WWOX: variants seen among roughly 807,000 people sequenced by gnomAD.
WWOX encodes WW domain-containing oxidoreductase.
WWOX carries 69 observed loss-of-function variants against 46.2 expected under a neutral mutation model. That is an observed-to-expected ratio of 1.49 (90% confidence interval 1.23 to 1.82). WWOX has a LOEUF of 1.82. WWOX is among the 40% of genes most tolerant of loss of function. WWOX has a pLI of 0.00. For missense variants in WWOX, 919 were observed against 542.6 expected, an observed-to-expected ratio of 1.69 and a Z score of -6.89; for synonymous variants, 359 against 202.6, an observed-to-expected ratio of 1.77 and a Z score of -6.56.
intron 8 of WWOX, among the ~76,000 whole-genome samples, chr16:78,571,291 C>G (rs1567652567): frequency 6.6e-6 from 1 of 152,000 alleles, no homozygotes; most frequent in Non-Finnish European, 1.5e-5. Context: ...AAATGACTTG[C>G]CCAAGGTCAT....
At chr16:78,837,345 C>T (rs1458690159) in intron 8 of WWOX, among the ~76,000 whole-genome samples, 1 of 152,194 alleles carries the variant, frequency 6.6e-6, no homozygotes, top group African/African-American at 2.4e-5. Flanking sequence ...TATTCCCTAA[C>T]CCTCACCCAG....
intron 5 of WWOX, among the ~76,000 whole-genome samples, chr16:78,217,001 G>A (rs1056071132): frequency 6.6e-6 from 1 of 152,166 alleles, no homozygotes; most frequent in Non-Finnish European, 1.5e-5. Flanking sequence ...GGGATTACAG[G>A]TGTGAGCCAC....
chr16:78,783,812 T>G (rs779781481), intron 8 of WWOX, among the ~76,000 whole-genome samples: 1 of 151,704 alleles, frequency 6.6e-6, no homozygotes, highest in African/African-American at 2.4e-5. Context: ...ATGGTGATGA[T>G]GATGGTGATA....
At chr16:78,509,380 A>G (rs1240558500) in intron 8 of WWOX, among the ~76,000 whole-genome samples, 2 of 152,030 alleles carry the variant, frequency 1.3e-5, no homozygotes, top group Non-Finnish European at 2.9e-5. Flanking sequence ...CGGAGGCTGC[A>G]GTGAGCTGAG....
intron 8 of WWOX, among the ~76,000 whole-genome samples, chr16:78,789,434 C>T (rs1021077640): frequency 6.6e-6 from 1 of 152,108 alleles, no homozygotes; most frequent in Non-Finnish European, 1.5e-5. Context: ...GGTCTTTGCA[C>T]CCTTATCAGA....
At chr16:78,972,157 C>G (rs531099715) in intron 8 of WWOX, among the ~76,000 whole-genome samples, 140 of 152,278 alleles carry the variant, frequency 9.2e-4, no homozygotes, top group African/African-American at 2.8e-3. Flanking sequence ...GGTGGCAGAG[C>G]AACTTCATTT....
At chr16:78,940,342 A>G (rs1483307062) in intron 8 of WWOX, among the ~76,000 whole-genome samples, 1 of 152,232 alleles carries the variant, frequency 6.6e-6, no homozygotes, top group Non-Finnish European at 1.5e-5. Flanking sequence ...AAGAAGAAAA[A>G]TAAATATGCA....
chr16:79,205,333 A>G (rs1466603920), intron 8 of WWOX: 1 of 152,064 alleles, frequency 6.6e-6, no homozygotes, highest in Non-Finnish European at 1.5e-5. Flanking sequence ...GACACTCTTC[A>G]CCTGTCATGG....
intron 8 of WWOX, among the ~76,000 whole-genome samples, chr16:78,675,696 C>A (rs1418533989): frequency 6.6e-6 from 1 of 152,100 alleles, no homozygotes; most frequent in Non-Finnish European, 1.5e-5. Context: ...ACTTTCTGGC[C>A]AGGCGCAGTG....
chr16:78,242,424 T>C (rs922343428), intron 5 of WWOX, among the ~76,000 whole-genome samples: 3 of 152,220 alleles, frequency 2.0e-5, no homozygotes, highest in Non-Finnish European at 2.9e-5. Context: ...AAATAAATAT[T>C]CGGGCAACAC....
intron 5 of WWOX, chr16:78,166,761 G>C (rs549170581): frequency 6.6e-6 from 1 of 152,004 alleles, no homozygotes; most frequent in Non-Finnish European, 1.5e-5. Flanking sequence ...GTTTCACCAT[G>C]TTGGCCGGGA....
At chr16:78,866,557 C>T (rs373737089) in intron 8 of WWOX, among the ~76,000 whole-genome samples, 8 of 152,124 alleles carry the variant, frequency 5.3e-5, no homozygotes, top group South Asian at 2.1e-4. Context: ...ATGTACCACA[C>T]GAAATTGGAA....
intron 8 of WWOX, among the ~76,000 whole-genome samples, chr16:79,049,828 C>T (rs549548235): frequency 1.5e-5 from 2 of 133,820 alleles, no homozygotes; most frequent in African/African-American, 5.8e-5. Flanking sequence ...GAGTGAGACT[C>T]TGTCTCAAAA....
chr16:78,424,784 C>T, intron 6 of WWOX, 86 bp from the exon 7 acceptor site: 1 of 1,457,096 alleles, frequency 6.9e-7, no homozygotes, highest in Non-Finnish European at 9.6e-7. Flanking sequence ...TGTTTATGTC[C>T]ACATCACGTG....
intron 8 of WWOX, among the ~76,000 whole-genome samples, chr16:78,664,521 G>C (rs1162669431): frequency 6.6e-6 from 1 of 152,208 alleles, no homozygotes; most frequent in Non-Finnish European, 1.5e-5. Flanking sequence ...CTCACTAGCA[G>C]GGATTCCAAG....
chr16:78,429,322 C>T (rs2083162317), intron 7 of WWOX, among the ~76,000 whole-genome samples: 1 of 152,124 alleles, frequency 6.6e-6, no homozygotes. Context: ...TGGCCTGGGT[C>T]CTGAAGAGTG....
At chr16:78,540,075 TAG>T (rs374793536) in intron 8 of WWOX, among the ~76,000 whole-genome samples, 1,698 of 149,012 alleles carry the variant, frequency 0.011, 28 homozygotes, top group Middle Eastern at 0.045. Context: ...ATATAAACTG[TAG>T]AGTTAACATT....
intron 8 of WWOX, among the ~76,000 whole-genome samples, chr16:78,468,786 C>T (rs754145242): frequency 1.2e-4 from 18 of 152,152 alleles, no homozygotes; most frequent in Non-Finnish European, 4.4e-5. Flanking sequence ...GATACAGCAA[C>T]AATCTATATT....
chr16:79,024,651 G>T (rs1431105354), intron 8 of WWOX, among the ~76,000 whole-genome samples: 1 of 152,146 alleles, frequency 6.6e-6, no homozygotes, highest in Non-Finnish European at 1.5e-5. Context: ...TAGCCAGGAT[G>T]GTCTTCATCT....
Sources: gnomAD v4.1 joint callset for allele counts (sites outside exome capture counted in the v4.1 genomes callset) on GRCh38, gnomAD v4.1.1 for gene constraint, MANE v1.5 for transcripts, NCBI Gene and HGNC (gene_info 2026-07-23, HGNC 2026-07-21) for gene names.